The following HYDIN variants were observed in gnomAD, a reference collection of about 807,000 sequenced individuals.
HYDIN encodes the protein HYDIN axonemal central pair apparatus protein.
A neutral mutation model predicts 403.9 loss-of-function variants in HYDIN; 132 were observed. The ratio of observed to expected loss-of-function variants is 0.33; its 90% CI spans 0.28 to 0.38. The LOEUF (loss-of-function observed/expected upper bound fraction) is 0.38, where lower values mean the gene tolerates loss of function less well. Among genes scored for constraint, HYDIN ranks in the 10% least tolerant of loss-of-function variants. The pLI is 1.00. For missense variants in HYDIN, 2,827 were observed against 5,009.5 expected (o/e 0.56, Z 13.15); for synonymous variants, 1,202 against 1,891.7 (o/e 0.64, Z 9.46).
intron 53 of HYDIN, among the ~76,000 whole-genome samples, chr16:70,898,191 A>G (rs549821283): frequency 4.0e-5 from 6 of 151,886 alleles, no homozygotes; most frequent in African/African-American, 1.2e-4. Flanking sequence ...ACAAAATAAT[A>G]ATAAAAACAA....
chr16:70,819,901 G>A (rs1343280218), intron 83 of HYDIN, among the ~76,000 whole-genome samples: 3 of 151,378 alleles, frequency 2.0e-5, no homozygotes, highest in Non-Finnish European at 2.9e-5. Context: ...TCTGCCTCCC[G>A]GGTTCACGCC....
chr16:71,094,686 C>G (rs1194284000), intron 10 of HYDIN, among the ~76,000 whole-genome samples: 2 of 152,290 alleles, frequency 1.3e-5, no homozygotes, highest in Admixed American at 1.3e-4. Flanking sequence ...CGCACAAAGG[C>G]AACGTCGTGA....
Position 71,133,163 on chromosome 16 carries a change from A to G in HYDIN, c.1044-3340T>C, listed in dbSNP as rs1250635342. The stretch of plus-strand genomic sequence containing the variant: ...TCAAGGCCTGTAATCTGCTCCCTTC[A>G]GCACCCACAAGAGGTGCCAACTGAA... On this transcript the variant is annotated intron_variant, in intron 8 of 85. Transcript: ENST00000393567. The G allele has an allele frequency of 3.2e-5, 14 of 433,540 alleles. No homozygotes were observed. The East Asian group carries it at 9.8e-4, about 30-fold the overall frequency. 26.9% of individuals were successfully genotyped at this position (433,540 alleles called of 1,614,324 possible).
chr16:70,923,820 C>CA (rs11316592), intron 45 of HYDIN, among the ~76,000 whole-genome samples: 1,993 of 50,208 alleles, frequency 0.04, 60 homozygotes, highest in African/African-American at 0.1. Flanking sequence ...GACTCTGTCT[C>CA]AAAAAAAAAA....
rs561678737 is a variant in HYDIN at position 71,029,165 on chromosome 16, G to T, written c.2769-1290C>A. Among the ~76,000 whole-genome samples, 14 of 152,080 alleles carry T rather than the reference G, an allele frequency of 9.2e-5. No individual in the cohort carries two copies. The South Asian group carries it at 2.9e-3, about 32-fold the overall frequency. ...AAGGGCTAAACAACAAATATTTTAG[G>T]CTTTTTGGGCCACACGGTCTCTGTA... is the stretch of plus-strand genomic sequence containing the variant. On this transcript the variant is annotated intron_variant, in intron 19 of 85. Coordinates refer to ENST00000393567, the MANE Select transcript of HYDIN (RefSeq NM_001270974.2).
intron 27 of HYDIN, among the ~76,000 whole-genome samples, chr16:70,986,426 G>T (rs1032601237): frequency 2.0e-5 from 3 of 152,208 alleles, no homozygotes; most frequent in African/African-American, 7.2e-5. Flanking sequence ...CCCTGGAGAC[G>T]ACGAAGGCAA....
chr16:70,933,934 T>C (rs565677071), intron 45 of HYDIN, among the ~76,000 whole-genome samples: 1 of 152,064 alleles, frequency 6.6e-6, no homozygotes, highest in South Asian at 2.1e-4. Flanking sequence ...GGGTCAGCCT[T>C]AGACCAAGCA....
At chr16:70,859,184 CG>C (rs1363394672) in intron 71 of HYDIN, among the ~76,000 whole-genome samples, 1 of 152,022 alleles carries the variant, frequency 6.6e-6, no homozygotes, top group African/African-American at 2.4e-5. Context: ...GCTTGTAGTC[CG>C]AGCTACTCGG....
At chr16:70,809,436 C>T (rs1268060517) in intron 85 of HYDIN, among the ~76,000 whole-genome samples, 1 of 152,212 alleles carries the variant, frequency 6.6e-6, no homozygotes, top group Non-Finnish European at 1.5e-5. Flanking sequence ...GAAGCCAGGA[C>T]TCAAACCCAT....
intron 43 of HYDIN, among the ~76,000 whole-genome samples, chr16:70,940,833 G>A (rs867779819): frequency 2.6e-5 from 4 of 152,208 alleles, no homozygotes; most frequent in Non-Finnish European, 4.4e-5. Flanking sequence ...AGAAGGGAGC[G>A]GTAAGCCGGA....
At chr16:71,199,500 G>C (rs1401874901) in intron 1 of HYDIN, among the ~76,000 whole-genome samples, 3 of 152,104 alleles carry the variant, frequency 2.0e-5, no homozygotes, top group Non-Finnish European at 4.4e-5. Context: ...TGTGCTCTCA[G>C]GGAAAGAAGG....
intron 1 of HYDIN, among the ~76,000 whole-genome samples, chr16:71,227,916 C>T (rs1419395364): frequency 6.6e-6 from 1 of 152,212 alleles, no homozygotes; most frequent in African/African-American, 2.4e-5. Flanking sequence ...AACTATACTA[C>T]AAGGCTACAG....
intron 77 of HYDIN, among the ~76,000 whole-genome samples, chr16:70,837,048 A>T (rs1295879602): frequency 6.6e-6 from 1 of 152,256 alleles, no homozygotes; most frequent in Admixed American, 6.5e-5. Flanking sequence ...AAGGATTTTA[A>T]TCTTCCAAAA....
intron 41 of HYDIN, among the ~76,000 whole-genome samples, chr16:70,945,843 C>G (rs1283507319): frequency 2.0e-5 from 3 of 151,886 alleles, no homozygotes; most frequent in Non-Finnish European, 4.4e-5. Flanking sequence ...AAAGAGCAGC[C>G]GTGGAATGGT....
At chr16:70,961,848 T>C in intron 38 of HYDIN, 111 bp downstream of exon 38, 1 of 720,064 alleles carries the variant, frequency 1.4e-6, no homozygotes, top group South Asian at 2.2e-5. Context: ...CAGGGCAGGA[T>C]GGGCTAGGAG....
At chr16:71,148,724 T>C (rs1446544970) in intron 7 of HYDIN, among the ~76,000 whole-genome samples, 1 of 147,242 alleles carries the variant, frequency 6.8e-6, no homozygotes, top group African/African-American at 2.7e-5. Flanking sequence ...CAATAATTAT[T>C]TCTGGAAGAC....
chr16:71,193,950 T>A (rs2087564588), intron 1 of HYDIN, among the ~76,000 whole-genome samples: 1 of 152,202 alleles, frequency 6.6e-6, no homozygotes, highest in South Asian at 2.1e-4. Context: ...CAAGTTAAAA[T>A]CCTTTCTACC....
intron 52 of HYDIN, 92 bp from the exon 53 acceptor site, chr16:70,901,294 A>G (rs140723716): frequency 0.013 from 10,637 of 820,244 alleles, 152 homozygotes; most frequent in Middle Eastern, 0.067. Flanking sequence ...TCAGGGGTTC[A>G]TGTGCAGGTT....
chr16:70,957,150 C>T (rs1445710122), intron 39 of HYDIN, among the ~76,000 whole-genome samples: 1 of 151,564 alleles, frequency 6.6e-6, no homozygotes, highest in African/African-American at 2.4e-5. Flanking sequence ...CACCACCCTC[C>T]CAGCCCCTTG....
Sources: gnomAD v4.1 joint callset for allele counts (sites outside exome capture counted in the v4.1 genomes callset) on GRCh38, gnomAD v4.1.1 for gene constraint, MANE v1.5 for transcripts, NCBI Gene and HGNC (gene_info 2026-07-23, HGNC 2026-07-21) for gene names.